Variants in CR1L observed in about 807,000 individuals in gnomAD.
The protein encoded by CR1L is complement component receptor 1-like protein.
A neutral mutation model predicts 62.3 loss-of-function variants in CR1L; 59 were observed. The ratio of observed to expected loss-of-function variants is 0.95; its 90% CI spans 0.77 to 1.18. The LOEUF (loss-of-function observed/expected upper bound fraction) is 1.18, where lower values mean the gene tolerates loss of function less well. Ranked by LOEUF, CR1L falls within the 50% of genes most tolerant of loss-of-function variation. The probability of loss-of-function intolerance (pLI) is 0.00; values close to 1 mark genes in which losing one functional copy is unlikely to be tolerated. For synonymous variants in CR1L, 279 were observed against 248.7 expected (o/e 1.12, Z -1.15); for missense variants, 700 against 702.8 (o/e 1.00, Z 0.04).
At position 207,694,608 on chromosome 1, in the gene CR1L, T is replaced by G; in HGVS notation, c.719T>G (p.Leu240Trp). Residue 240 changes from leucine to tryptophan, a missense_variant, in exon 5 of 12, where the codon TTG becomes TGG. Leu to Trp is a moderately conservative substitution (Grantham distance 61). Coordinates refer to ENST00000508064, the MANE Select transcript of CR1L (RefSeq NM_175710.2). ...CTPPNVENGI[L>W]VSDNRSLFSL... ...CCTCCAAATGTGGAAAATGGAATAT[T>G]GGTATCTGACAACAGAAGCTTATTT... 2 of 1,611,874 alleles carry G rather than the reference T, an allele frequency of 1.2e-6. No individual in the cohort carries two copies. Among genetic ancestry groups the G allele is most frequent in the Non-Finnish European group, 1.7e-6 (2 of 1,179,716 alleles).
chr1:207,645,484 C>T (rs531542216), intron 1 of CR1L, among the ~76,000 whole-genome samples, 154 bp downstream of exon 1: 1 of 152,154 alleles, frequency 6.6e-6, no homozygotes, highest in Non-Finnish European at 1.5e-5. Flanking sequence ...GTGCTCAGAT[C>T]CCGGGGGTAT....
At chr1:207,721,046 C>T (rs1294481896) in intron 11 of CR1L, among the ~76,000 whole-genome samples, 4 of 152,104 alleles carry the variant, frequency 2.6e-5, no homozygotes, top group African/African-American at 4.8e-5. Flanking sequence ...GCAACACAGC[C>T]TTGAAAGTTT....
At position 207,678,353 on chromosome 1, in the gene CR1L, A is replaced by T. The variant is rs989812228; in HGVS notation, c.377+56A>T. ...TTGGTTCAAGGGTTCTAACACAGCCATACTACCTTCTAGTCACATCTCAGA... is the reference window on the plus strand; with the variant it reads ...TTGGTTCAAGGGTTCTAACACAGCCTTACTACCTTCTAGTCACATCTCAGA... On this transcript the variant is annotated intron_variant, in intron 3 of 11. Coordinates refer to ENST00000508064, the MANE Select transcript of CR1L (RefSeq NM_175710.2). The T allele has an allele frequency of 7.8e-5, 113 of 1,444,728 alleles. No homozygotes were observed. The African/African-American group carries it at 1.2e-3, about 15-fold the overall frequency. 89.5% of individuals were successfully genotyped at this position (1,444,728 alleles called of 1,614,324 possible). A position where few individuals can be genotyped will look rare whatever the true frequency, so the allele number is the denominator to read the frequency against.
chr1:207,711,544 A>C (rs1664357316), intron 10 of CR1L: 1 of 152,584 alleles, frequency 6.6e-6, no homozygotes, highest in African/African-American at 2.4e-5. Flanking sequence ...ACGATCTGGA[A>C]GTTACCACCC....
intron 10 of CR1L, 112 bp downstream of exon 10, chr1:207,708,375 T>G (rs1664303645): frequency 6.6e-6 from 9 of 1,373,796 alleles, no homozygotes; most frequent in Non-Finnish European, 9.2e-6. Context: ...CTTCTGATAT[T>G]TGAAGAATCC....
At chr1:207,693,244 G>A (rs1043449721) in intron 4 of CR1L, among the ~76,000 whole-genome samples, 3 of 152,052 alleles carry the variant, frequency 2.0e-5, no homozygotes, top group Non-Finnish European at 2.9e-5. Flanking sequence ...CAGCCACCTC[G>A]GTAGCTGGGA....
chr1:207,695,812 T>TA (rs1664094237), intron 5 of CR1L, among the ~76,000 whole-genome samples: 1 of 152,238 alleles, frequency 6.6e-6, no homozygotes. Flanking sequence ...AGACAGCAAC[T>TA]AGGGAGGTGC....
chr1:207,645,308 G>T lies in CR1L; in HGVS notation c.75G>T (p.Val25=). Reference sequence around the variant, plus strand: ...CTGGGTTGCTTCTGGCGGCCCTGGTGTTGCTGCTGTCCTCCTTCTCCGGTA... The same window carrying T: ...CTGGGTTGCTTCTGGCGGCCCTGGTTTTGCTGCTGTCCTCCTTCTCCGGTA... The part of the protein sequence containing the change: ...RFPGLLLAAL[V]LLLSSFSDQC... Residue 25 remains valine, a synonymous_variant, in exon 1 of 12, where the codon GTG becomes GTT. Coordinates refer to ENST00000508064, the MANE Select transcript of CR1L (RefSeq NM_175710.2). 6.2e-7 allele frequency: 1 copy of T among 1,614,068 alleles called. No homozygotes were observed. Among genetic ancestry groups the T allele is most frequent in the Non-Finnish European group, 8.5e-7 (1 of 1,180,018 alleles).
chr1:207,664,685 G>T (rs1193682451), intron 1 of CR1L, among the ~76,000 whole-genome samples: 1 of 152,158 alleles, frequency 6.6e-6, no homozygotes, highest in Non-Finnish European at 1.5e-5. Flanking sequence ...CACTGATCTA[G>T]CTTAGTGTTT....
intron 3 of CR1L, among the ~76,000 whole-genome samples, chr1:207,683,464 C>T (rs2102461931): frequency 6.6e-6 from 1 of 152,150 alleles, no homozygotes; most frequent in East Asian, 1.9e-4. Context: ...CTGATAAAAG[C>T]CCATCCATGC....
intron 4 of CR1L, among the ~76,000 whole-genome samples, chr1:207,690,725 G>T (rs1415191957): frequency 6.6e-6 from 1 of 152,184 alleles, no homozygotes; most frequent in Non-Finnish European, 1.5e-5. Flanking sequence ...CAATAGGATT[G>T]GTTCCATCTG....
intron 3 of CR1L, among the ~76,000 whole-genome samples, chr1:207,683,519 G>A (rs536754391): frequency 6.6e-6 from 1 of 152,028 alleles, no homozygotes; most frequent in East Asian, 1.9e-4. Context: ...CATACAACAG[G>A]ACTACATACA....
At chr1:207,650,888 C>CA (rs1421389193) in intron 1 of CR1L, among the ~76,000 whole-genome samples, 28 of 151,934 alleles carry the variant, frequency 1.8e-4, no homozygotes, top group African/African-American at 6.3e-4. Context: ...TGGGTTCAAG[C>CA]AATTCTTCTG....
chr1:207,701,644 T>C (rs1380788189), intron 9 of CR1L, 26 bp downstream of exon 9: 2 of 1,613,234 alleles, frequency 1.2e-6, no homozygotes, highest in East Asian at 4.5e-5. Flanking sequence ...CATCTCTTGG[T>C]TCCAGAGTTC....
intron 1 of CR1L, among the ~76,000 whole-genome samples, chr1:207,671,400 A>T (rs1290799995): frequency 6.6e-6 from 1 of 150,832 alleles, no homozygotes; most frequent in Non-Finnish European, 1.5e-5. Context: ...TGCATAGGAC[A>T]GTTTATGGGA....
chr1:207,660,382 C>CAAACA (rs1156899303), intron 1 of CR1L, among the ~76,000 whole-genome samples: 1 of 152,236 alleles, frequency 6.6e-6, no homozygotes, highest in African/African-American at 2.4e-5. Flanking sequence ...GATACCCACG[C>CAAACA]AAACAAGGTC....
At position 207,717,517 on chromosome 1, in the gene CR1L, C is replaced by A. The variant is rs762403108; in HGVS notation, c.1468C>A (p.Pro490Thr). The stretch of plus-strand genomic sequence containing the variant: ...CCTTAATGGGAGACACACAGGAACT[C>A]CCCTTGGAGATATTCCCTATGGAAA... ...AILNGRHTGT[P>T]LGDIPYGKEV... is the part of the protein sequence containing the mutation. The change falls in exon 11 of 12, where the codon CCC (proline) becomes ACC (threonine). Residue 490 changes from proline to threonine, a missense_variant. Physicochemically the swap from Pro to Thr is conservative, Grantham distance 38 (BLOSUM62 -1). Coordinates refer to ENST00000508064, the MANE Select transcript of CR1L (RefSeq NM_175710.2). The A allele has an allele frequency of 3.7e-6, 6 of 1,613,656 alleles. No homozygotes were observed. The highest frequency in any genetic ancestry group is 1.7e-5 in the Admixed American group (1 of 59,996).
At chr1:207,688,531 G>A (rs1249104491) in intron 4 of CR1L, among the ~76,000 whole-genome samples, 2 of 152,104 alleles carry the variant, frequency 1.3e-5, no homozygotes, top group African/African-American at 4.8e-5. Flanking sequence ...CTAACTATGT[G>A]CATCTTCAAG....
At chr1:207,676,375 C>T (rs551851247) in intron 1 of CR1L, among the ~76,000 whole-genome samples, 5 of 152,128 alleles carry the variant, frequency 3.3e-5, no homozygotes, top group Non-Finnish European at 1.5e-5. Context: ...AGGAGGTGAG[C>T]GGCCAAGCAT....
Sources: gnomAD v4.1 joint callset for allele counts (sites outside exome capture counted in the v4.1 genomes callset) on GRCh38, gnomAD v4.1.1 for gene constraint, MANE v1.5 for transcripts, NCBI Gene and HGNC (gene_info 2026-07-23, HGNC 2026-07-21) for gene names.